Variants in KCNN2 observed in about 807,000 individuals in gnomAD.
KCNN2 encodes the protein potassium calcium-activated channel subfamily N member 2.
A neutral mutation model predicts 55.5 loss-of-function variants in KCNN2; 24 were observed. The observed-to-expected ratio is 0.43, with a 90% confidence interval of 0.31 to 0.61. The LOEUF (loss-of-function observed/expected upper bound fraction) is 0.61, where lower values mean the gene tolerates loss of function less well. Among genes scored for constraint, KCNN2 ranks in the 20% least tolerant of loss-of-function variants. The pLI is 0.08. For synonymous variants in KCNN2, 431 were observed against 336.1 expected (o/e 1.28, Z -3.09); for missense variants, 754 against 853.6 (o/e 0.88, Z 1.45).
At chr5:114,347,781 G>T (rs1018395491) in intron 2 of KCNN2, among the ~76,000 whole-genome samples, 3 of 152,078 alleles carry the variant, frequency 2.0e-5, no homozygotes, top group African/African-American at 7.2e-5. Flanking sequence ...TTAGTTTTTC[G>T]TAATAATGGG....
chr5:114,256,451 C>G (rs1208803039), intron 2 of KCNN2, among the ~76,000 whole-genome samples: 1 of 152,134 alleles, frequency 6.6e-6, no homozygotes, highest in Non-Finnish European at 1.5e-5. Context: ...TGAGAAATCT[C>G]CATACTGTTG....
chr5:114,492,215 C>A (rs1747891392), intron 6 of KCNN2, among the ~76,000 whole-genome samples: 1 of 152,112 alleles, frequency 6.6e-6, no homozygotes, highest in African/African-American at 2.4e-5. Flanking sequence ...GGAACAAAAT[C>A]ACTGAACATT....
At chr5:114,200,946 C>T (rs1052606747) in intron 1 of KCNN2, among the ~76,000 whole-genome samples, 2 of 152,048 alleles carry the variant, frequency 1.3e-5, no homozygotes, top group African/African-American at 4.8e-5. Flanking sequence ...CTCAGAGGAG[C>T]TTACACTGCC....
At position 114,257,928 on chromosome 5, in the gene KCNN2, T is replaced by C. The variant is rs374969684; in HGVS notation, c.-185+36363T>C. Among the ~76,000 whole-genome samples, 18 of 152,292 alleles carry C rather than the reference T, an allele frequency of 1.2e-4. No individual in the cohort carries two copies. In the South Asian group the frequency reaches 3.7e-3, roughly 32 times the overall value. On this transcript the variant is annotated intron_variant, in intron 2 of 10. Coordinates refer to the KCNN2 transcript ENST00000512097. ...GATCCTTGCTTTATTCCAATTCTTA[T>C]GGGGAATGCTTCCAGCTTTTCTCCA...
At chr5:114,376,167 A>G (rs1299875382) in intron 2 of KCNN2, among the ~76,000 whole-genome samples, 1 of 151,994 alleles carries the variant, frequency 6.6e-6, no homozygotes, top group Non-Finnish European at 1.5e-5. Context: ...TCTCAGTCTG[A>G]TGCTGTGTGT....
At chr5:114,411,753 C>T (rs906518127) in intron 3 of KCNN2, among the ~76,000 whole-genome samples, 8 of 152,144 alleles carry the variant, frequency 5.3e-5, no homozygotes, top group Admixed American at 2.6e-4. Context: ...TGCTCACCCA[C>T]GTTGAGGGTG....
At chr5:114,284,409 A>G (rs1755693259) in intron 2 of KCNN2, among the ~76,000 whole-genome samples, 1 of 152,198 alleles carries the variant, frequency 6.6e-6, no homozygotes, top group South Asian at 2.1e-4. Context: ...GCAACTTGCT[A>G]TTCTCTTTCT....
rs1760859458 is a variant in KCNN2 at position 114,455,047 on chromosome 5, CCTTTATT to C, written c.1638-8001_1638-7995del. Among the ~76,000 whole-genome samples, 32 of 151,982 alleles carry C rather than the reference CCTTTATT, an allele frequency of 2.1e-4. No individual in the cohort carries two copies. The South Asian group carries it at 6.6e-3, about 32-fold the overall frequency. ...TTTTTTTTAATATTCAATTTTCTAT[CCTTTATT>C]GAGTTATCAGCTATTCTTTTTCAAT... is the stretch of plus-strand genomic sequence containing the variant. On this transcript the variant is annotated intron_variant, in intron 3 of 7. Transcript: ENST00000673685.
chr5:114,133,951 G>C (rs957507481), intron 1 of KCNN2, among the ~76,000 whole-genome samples: 3 of 152,120 alleles, frequency 2.0e-5, no homozygotes, highest in African/African-American at 7.2e-5. Flanking sequence ...TTGGTCTTTT[G>C]AACCCATTTA....
intron 2 of KCNN2, among the ~76,000 whole-genome samples, chr5:114,332,630 G>C (rs1398933172): frequency 6.6e-6 from 1 of 152,170 alleles, no homozygotes; most frequent in African/African-American, 2.4e-5. Flanking sequence ...TGCAGTTACA[G>C]AACTGTCTGT....
chr5:114,293,880 G>T (rs1461797681), intron 2 of KCNN2, among the ~76,000 whole-genome samples: 2 of 152,114 alleles, frequency 1.3e-5, no homozygotes, highest in South Asian at 2.1e-4. Context: ...GCCTGTTATT[G>T]GTCTATTCAG....
chr5:114,066,297 T>C (rs1750450147), intron 1 of KCNN2, among the ~76,000 whole-genome samples: 1 of 152,208 alleles, frequency 6.6e-6, no homozygotes, highest in Non-Finnish European at 1.5e-5. Flanking sequence ...CACATTTTGC[T>C]CTTGTGGCTC....
chr5:114,439,203 A>G (rs894209995), intron 3 of KCNN2, among the ~76,000 whole-genome samples: 2 of 152,212 alleles, frequency 1.3e-5, no homozygotes, highest in Admixed American at 6.5e-5. Flanking sequence ...GTATGAAAAC[A>G]TATCAGCAGA....
chr5:114,246,388 A>G (rs1754748893), intron 2 of KCNN2, among the ~76,000 whole-genome samples: 1 of 152,286 alleles, frequency 6.6e-6, no homozygotes, highest in South Asian at 2.1e-4. Context: ...TTGAAATTTT[A>G]GAAGATAAAC....
At chr5:114,332,757 G>A (rs1756847355) in intron 2 of KCNN2, among the ~76,000 whole-genome samples, 1 of 152,188 alleles carries the variant, frequency 6.6e-6, no homozygotes, top group Admixed American at 6.5e-5. Flanking sequence ...CCAGGGAGGG[G>A]AGCTAATACT....
intron 2 of KCNN2, among the ~76,000 whole-genome samples, chr5:114,247,196 T>G (rs538258526): frequency 1.8e-3 from 195 of 105,576 alleles, no homozygotes; most frequent in Non-Finnish European, 2.3e-3. Flanking sequence ...TGGTACCATA[T>G]GTCTCCAAAA....
At chr5:114,464,243 G>A (rs775459914) in intron 4 of KCNN2, among the ~76,000 whole-genome samples, 5 of 152,160 alleles carry the variant, frequency 3.3e-5, no homozygotes, top group African/African-American at 4.8e-5. Flanking sequence ...TTAAGCCAGA[G>A]GTAGTTTCAA....
chr5:114,197,441 CA>C (rs1753580886), intron 1 of KCNN2, among the ~76,000 whole-genome samples: 1 of 152,144 alleles, frequency 6.6e-6, no homozygotes. Context: ...CTCCAATGAT[CA>C]TTGTTGAATT....
intron 2 of KCNN2, among the ~76,000 whole-genome samples, chr5:114,323,886 A>C (rs1756665005): frequency 6.6e-6 from 1 of 151,816 alleles, no homozygotes; most frequent in African/African-American, 2.4e-5. Context: ...TGACCTCATG[A>C]TATGCCCGCC....
Sources: gnomAD v4.1 joint callset for allele counts (sites outside exome capture counted in the v4.1 genomes callset) on GRCh38, gnomAD v4.1.1 for gene constraint, MANE v1.5 for transcripts, NCBI Gene and HGNC (gene_info 2026-07-23, HGNC 2026-07-21) for gene names.